The following KIRREL3 variants were observed in gnomAD, a reference collection of about 807,000 sequenced individuals.
KIRREL3 encodes the protein kin of IRRE-like protein 3.
A neutral mutation model predicts 89.7 loss-of-function variants in KIRREL3; 36 were observed. The observed-to-expected ratio is 0.40, with a 90% CI of 0.31 to 0.53. The LOEUF is 0.53. Ranked by LOEUF, KIRREL3 falls within the 20% of genes least tolerant of loss-of-function variation. KIRREL3 has a pLI of 0.49. For synonymous variants in KIRREL3, 445 were observed against 441.4 expected, an observed-to-expected ratio of 1.01 and a Z score of -0.10; for missense variants, 864 against 1,056.6, an observed-to-expected ratio of 0.82 and a Z score of 2.53.
rs139265999 is a variant in KIRREL3 at position 126,563,550 on chromosome 11, C to A, written c.56-638G>T. ...CTTCCTATATCAAGGCCCAATTTAG[C>A]ACCATCATCAAGCACTTATGAAATG... On this transcript the variant is annotated intron_variant, in intron 1 of 16. Transcript: ENST00000525144. This position sits in a 1 kb window ranked among gnomAD's most constrained non-coding sequence, Gnocchi z 6.8. 2.7e-5 allele frequency among the ~76,000 whole-genome samples: 4 copies of A among 150,610 alleles called. No homozygotes were observed. The highest frequency in any genetic ancestry group is 9.9e-5 in the African/African-American group (4 of 40,260).
In KIRREL3 at chr11:126,522,640, TG is replaced by T. The variant is rs1261662149; in HGVS notation, c.284-1177del. ...TATAAATGCCAACTGAAGTTGTGGC[TG>T]GCCACCTTAGGCAGATCCTCTCTTT... On this transcript the variant is annotated intron_variant, in intron 3 of 16. Transcript: ENST00000525144. This position sits in a 1 kb window ranked among gnomAD's most constrained non-coding sequence, Gnocchi z 6.0. 1.3e-5 allele frequency among the ~76,000 whole-genome samples: 2 copies of T among 152,260 alleles called. No homozygotes were observed. The highest frequency in any genetic ancestry group is 2.9e-5 in the Non-Finnish European group (2 of 68,052).
rs1939910278 is a variant in KIRREL3, at chr11:126,558,990, G to A, written c.133+3845C>T. Among the ~76,000 whole-genome samples, 1 of 152,100 alleles carries A rather than the reference G, an allele frequency of 6.6e-6. No homozygotes were observed. Among genetic ancestry groups the A allele is most frequent in the South Asian group, 2.1e-4 (1 of 4,832 alleles). On this transcript the variant is annotated intron_variant, in intron 2 of 16. Transcript: ENST00000525144. This position sits in a 1 kb window ranked among gnomAD's most constrained non-coding sequence, Gnocchi z 4.0. ...GCTGAGGAACCAGTGAGAGTAAACTGGATCTACTTAAAGATGTCCTGAGAG... is the reference window on the plus strand; with the variant it reads ...GCTGAGGAACCAGTGAGAGTAAACTAGATCTACTTAAAGATGTCCTGAGAG...
intron 4 of KIRREL3, among the ~76,000 whole-genome samples, chr11:126,517,139 AGAGAGAGAGAG>A (rs1195799559): frequency 2.1e-4 from 8 of 38,310 alleles, no homozygotes; most frequent in African/African-American, 7.9e-4. Context: ...AGAGAGAAAG[AGAGAGAGAGAG>A]AGAGAGAGAG....
At position 126,612,627 on chromosome 11, in the gene KIRREL3, G is replaced by A. The variant is rs955493416; in HGVS notation, c.56-49715C>T. ...GACCTCATTTTGGAACAATTTCATC[G>A]CCCCCAAAATAAACCCCACACCCAT... On this transcript the variant is annotated intron_variant, in intron 1 of 16. Coordinates refer to ENST00000525144, the MANE Select transcript of KIRREL3 (RefSeq NM_032531.4). This position sits in a 1 kb window ranked among gnomAD's most constrained non-coding sequence, Gnocchi z 4.5. Among the ~76,000 whole-genome samples, 5 of 151,676 alleles carry A rather than the reference G, an allele frequency of 3.3e-5. No homozygotes were observed. The highest frequency in any genetic ancestry group is 7.3e-5 in the African/African-American group (3 of 41,212).
chr11:126,779,144 G>A (rs918256841), intron 1 of KIRREL3, among the ~76,000 whole-genome samples: 1 of 152,184 alleles, frequency 6.6e-6, no homozygotes, highest in Admixed American at 6.5e-5. Flanking sequence ...GATGGAGCAT[G>A]TTGCTCCCTT....
intron 4 of KIRREL3, among the ~76,000 whole-genome samples, chr11:126,488,094 G>A (rs1474897623): frequency 6.6e-6 from 1 of 152,246 alleles, no homozygotes; most frequent in East Asian, 1.9e-4. Flanking sequence ...TTCAGAATAA[G>A]AAGAGCTTGG....
intron 7 of KIRREL3, among the ~76,000 whole-genome samples, chr11:126,450,794 T>A (rs528920771): frequency 6.6e-6 from 1 of 151,098 alleles, no homozygotes; most frequent in East Asian, 2.0e-4. Flanking sequence ...TCTGTGCATG[T>A]GTGTGTCTGC....
At position 126,766,655 on chromosome 11, in the gene KIRREL3, C is replaced by CGGAAGGAA. The variant is rs1253371399; in HGVS notation, c.56-203744_56-203743insTTCCTTCC. On this transcript the variant is annotated intron_variant, in intron 1 of 16. Transcript: ENST00000525144. The surrounding 1 kb of genome is among the most constrained non-coding windows in gnomAD (Gnocchi z 4.2). ...TTTCCTCAAATGGGGAGTGTACACACGGAAGTTCTTTTCTGGGGCTTTGAT... is the reference window on the plus strand; with the variant it reads ...TTTCCTCAAATGGGGAGTGTACACACGGAAGGAAGGAAGTTCTTTTCTGGGGCTTTGAT... Among the ~76,000 whole-genome samples, 3 of 152,002 alleles carry CGGAAGGAA rather than the reference C, an allele frequency of 2.0e-5. No homozygotes were observed. The highest frequency in any genetic ancestry group is 7.3e-5 in the African/African-American group (3 of 41,338).
chr11:126,845,338 G>A lies in KIRREL3; in HGVS notation c.55+155117C>T, dbSNP rs377406232. 1.4e-4 allele frequency among the ~76,000 whole-genome samples: 22 copies of A among 152,254 alleles called. No homozygotes were observed. In the East Asian group the frequency reaches 4.0e-3, roughly 28 times the overall value. The stretch of plus-strand genomic sequence containing the variant: ...AACTTCTTACCAATCAGACTTCTGG[G>A]CTCTCTCTCTTTGTGCAAACTGGTT... On this transcript the variant is annotated intron_variant, in intron 1 of 16. Coordinates refer to ENST00000525144, the MANE Select transcript of KIRREL3 (RefSeq NM_032531.4).
chr11:126,467,937 C>T (rs889540213), intron 5 of KIRREL3, among the ~76,000 whole-genome samples: 2 of 152,098 alleles, frequency 1.3e-5, no homozygotes, highest in Non-Finnish European at 2.9e-5. Context: ...GGGTGAGGGC[C>T]CTATGCATGT....
chr11:126,612,273 C>T lies in KIRREL3; in HGVS notation c.56-49361G>A, dbSNP rs558498953. 1.3e-5 allele frequency among the ~76,000 whole-genome samples: 2 copies of T among 152,166 alleles called. No homozygotes were observed. Among genetic ancestry groups the T allele is most frequent in the South Asian group, 2.1e-4 (1 of 4,822 alleles). On this transcript the variant is annotated intron_variant, in intron 1 of 16. Coordinates refer to ENST00000525144, the MANE Select transcript of KIRREL3 (RefSeq NM_032531.4). This position sits in a 1 kb window ranked among gnomAD's most constrained non-coding sequence, Gnocchi z 4.5. Reference sequence around the variant, plus strand: ...CCTCAGAATTTGAGTATTATATGGACACCCTTGGCATATAATAAATGCTCC... The same window carrying T: ...CCTCAGAATTTGAGTATTATATGGATACCCTTGGCATATAATAAATGCTCC...
chr11:126,923,130 T>TCCTCCTTCTCCTC (rs373421868), intron 1 of KIRREL3, among the ~76,000 whole-genome samples: 1 of 16,304 alleles, frequency 6.1e-5, no homozygotes, highest in African/African-American at 2.5e-4. Flanking sequence ...CTCCTTCTTC[T>TCCTCCTTCTCCTC]CTTCTTCTTC....
chr11:126,857,483 T>G (rs1379338964), intron 1 of KIRREL3, among the ~76,000 whole-genome samples: 4 of 152,126 alleles, frequency 2.6e-5, no homozygotes, highest in Non-Finnish European at 5.9e-5. Flanking sequence ...AGACTGGGAC[T>G]TTACTTAAAA....
At chr11:126,646,658 A>G (rs1168748740) in intron 1 of KIRREL3, among the ~76,000 whole-genome samples, 4 of 151,992 alleles carry the variant, frequency 2.6e-5, no homozygotes, top group African/African-American at 4.8e-5. Context: ...TATTTTTAGT[A>G]GAGACGGGGT....
chr11:126,857,817 G>T (rs944860539), intron 1 of KIRREL3, among the ~76,000 whole-genome samples: 1 of 148,100 alleles, frequency 6.8e-6, no homozygotes, highest in African/African-American at 2.5e-5. Context: ...CCCTCTAGCT[G>T]CCTGGGATGT....
chr11:126,650,153 C>T (rs1484621902), intron 1 of KIRREL3, among the ~76,000 whole-genome samples: 1 of 152,328 alleles, frequency 6.6e-6, no homozygotes, highest in East Asian at 1.9e-4. Context: ...AGCGTGGGGA[C>T]CCTGGGCCCG....
intron 1 of KIRREL3, among the ~76,000 whole-genome samples, chr11:126,979,148 C>T (rs1299353665): frequency 1.3e-5 from 2 of 152,234 alleles, no homozygotes; most frequent in Admixed American, 6.5e-5. Context: ...TCAGCAAACA[C>T]TCTCTTTTTG....
chr11:126,784,141 T>G (rs185061690), intron 1 of KIRREL3, among the ~76,000 whole-genome samples: 16 of 152,280 alleles, frequency 1.1e-4, no homozygotes, highest in Non-Finnish European at 5.9e-5. Flanking sequence ...GACTGCTAAA[T>G]GCAATGTGGT....
intron 1 of KIRREL3, among the ~76,000 whole-genome samples, chr11:126,801,565 G>A (rs1951034641): frequency 6.6e-6 from 1 of 152,164 alleles, no homozygotes; most frequent in Non-Finnish European, 1.5e-5. Context: ...AAGAGCGCAT[G>A]GTTTGCACGA....
Sources: gnomAD v4.1 joint callset for allele counts (sites outside exome capture counted in the v4.1 genomes callset) on GRCh38, gnomAD v4.1.1 for gene constraint, Gnocchi (gnomAD v3.1) non-coding constraint, MANE v1.5 for transcripts, NCBI Gene and HGNC (gene_info 2026-07-23, HGNC 2026-07-21) for gene names.